The following GRID2 variants were observed in gnomAD, a reference collection of about 807,000 sequenced individuals.
GRID2 encodes the protein glutamate receptor ionotropic, delta-2.
Under a neutral mutation model 114.8 loss-of-function variants are expected in GRID2, and 33 were observed. That is an observed-to-expected ratio of 0.29 (90% confidence interval 0.22 to 0.38). GRID2 has a LOEUF of 0.38. Among genes scored for constraint, GRID2 ranks in the 10% least tolerant of loss-of-function variants. The pLI is 1.00. For synonymous variants in GRID2, 505 were observed against 449.9 expected, an observed-to-expected ratio of 1.12 and a Z score of -1.55; for missense variants, 1,184 against 1,257.7, an observed-to-expected ratio of 0.94 and a Z score of 0.89.
chr4:93,757,111 C>T (rs1158182393), intron 14 of GRID2, among the ~76,000 whole-genome samples: 2 of 152,116 alleles, frequency 1.3e-5, no homozygotes, highest in Non-Finnish European at 2.9e-5. Context: ...TCTTGTCATT[C>T]ACTTATTCAC....
chr4:92,660,842 G>T (rs977904305), intron 2 of GRID2, among the ~76,000 whole-genome samples: 5 of 151,006 alleles, frequency 3.3e-5, no homozygotes, highest in Non-Finnish European at 5.9e-5. Flanking sequence ...TTTCATTGTA[G>T]CATTTGTGCC....
intron 8 of GRID2, among the ~76,000 whole-genome samples, chr4:93,358,022 G>C (rs1249754116): frequency 1.3e-5 from 2 of 151,204 alleles, no homozygotes; most frequent in Non-Finnish European, 3.0e-5. Flanking sequence ...TATTTTAAAG[G>C]AGCTTTATAA....
intron 2 of GRID2, among the ~76,000 whole-genome samples, chr4:92,832,878 A>G (rs189640200): frequency 1.3e-5 from 2 of 152,270 alleles, no homozygotes; most frequent in Admixed American, 1.3e-4. Flanking sequence ...ATAGTAATGA[A>G]CTCACTTTTA....
intron 1 of GRID2, among the ~76,000 whole-genome samples, chr4:92,568,181 T>A (rs1252435249): frequency 1.3e-5 from 2 of 151,804 alleles, no homozygotes; most frequent in African/African-American, 4.8e-5. Flanking sequence ...ACTGCTGAGA[T>A]GGGAATATAC....
At chr4:92,380,744 C>T (rs1018896460) in intron 1 of GRID2, among the ~76,000 whole-genome samples, 1 of 151,868 alleles carries the variant, frequency 6.6e-6, no homozygotes, top group African/African-American at 2.4e-5. Flanking sequence ...TGGCTAACAG[C>T]GTTAGTTCAC....
chr4:93,294,780 G>A (rs1159433473), intron 8 of GRID2, among the ~76,000 whole-genome samples: 2 of 151,926 alleles, frequency 1.3e-5, no homozygotes, highest in Non-Finnish European at 2.9e-5. Flanking sequence ...GGCTGGTCTC[G>A]AACTCCTGAC....
intron 14 of GRID2, among the ~76,000 whole-genome samples, chr4:93,750,419 C>T (rs973341012): frequency 6.6e-6 from 1 of 152,070 alleles, no homozygotes; most frequent in Non-Finnish European, 1.5e-5. Flanking sequence ...CAATGATCAC[C>T]CAGTAGGAAA....
chr4:93,485,532 T>C (rs1041722802), intron 11 of GRID2, among the ~76,000 whole-genome samples: 6 of 151,788 alleles, frequency 4.0e-5, no homozygotes, highest in Admixed American at 2.0e-4. Context: ...ATCTATAGGC[T>C]GCATGGTATT....
chr4:93,084,593 A>G (rs887388823), intron 2 of GRID2, among the ~76,000 whole-genome samples: 7 of 152,198 alleles, frequency 4.6e-5, no homozygotes, highest in Non-Finnish European at 8.8e-5. Context: ...TGCCTTCAGT[A>G]GGGAATTATC....
chr4:92,796,770 C>T (rs1481750921), intron 2 of GRID2, among the ~76,000 whole-genome samples: 1 of 151,832 alleles, frequency 6.6e-6, no homozygotes, highest in African/African-American at 2.4e-5. Context: ...ATAAAATTAT[C>T]AAACCATCCT....
intron 13 of GRID2, among the ~76,000 whole-genome samples, chr4:93,561,104 C>G (rs1312423854): frequency 3.3e-5 from 5 of 151,882 alleles, no homozygotes; most frequent in Non-Finnish European, 7.4e-5. Context: ...TCAAAATAAC[C>G]TGCAACAGGC....
At chr4:93,326,936 C>T (rs1304010492) in intron 8 of GRID2, among the ~76,000 whole-genome samples, 1 of 152,158 alleles carries the variant, frequency 6.6e-6, no homozygotes, top group Non-Finnish European at 1.5e-5. Flanking sequence ...GTTTCTATCA[C>T]ATCTGTTTGC....
chr4:93,276,983 T>C (rs1183492119), intron 8 of GRID2, among the ~76,000 whole-genome samples: 1 of 151,818 alleles, frequency 6.6e-6, no homozygotes, highest in Non-Finnish European at 1.5e-5. Context: ...CAAAGCAAAA[T>C]GGATTTAAGA....
intron 13 of GRID2, among the ~76,000 whole-genome samples, chr4:93,585,659 G>A (rs928716956): frequency 6.6e-6 from 1 of 151,846 alleles, no homozygotes; most frequent in Admixed American, 6.6e-5. Context: ...GTTTGCTCTT[G>A]CCTCAATTTT....
intron 14 of GRID2, among the ~76,000 whole-genome samples, chr4:93,746,934 C>T (rs1248054894): frequency 6.6e-6 from 1 of 151,950 alleles, no homozygotes; most frequent in Non-Finnish European, 1.5e-5. Context: ...AGATTTTTTA[C>T]AGAAGGATTA....
At chr4:93,009,656 G>C (rs1050633198) in intron 2 of GRID2, among the ~76,000 whole-genome samples, 3 of 151,958 alleles carry the variant, frequency 2.0e-5, no homozygotes, top group Non-Finnish European at 4.4e-5. Flanking sequence ...CTGAATTCAG[G>C]AATTTTTTAT....
intron 14 of GRID2, among the ~76,000 whole-genome samples, chr4:93,680,039 A>G (rs1035267319): frequency 6.6e-6 from 1 of 151,288 alleles, no homozygotes; most frequent in Non-Finnish European, 1.5e-5. Context: ...AGCAAGACTA[A>G]TAAAGAAAAA....
At chr4:92,676,170 CT>C (rs1248069337) in intron 2 of GRID2, among the ~76,000 whole-genome samples, 21 of 49,798 alleles carry the variant, frequency 4.2e-4, no homozygotes, top group African/African-American at 1.0e-3. Flanking sequence ...CCCCCCCCCC[CT>C]TTTTTTTTTG....
intron 2 of GRID2, among the ~76,000 whole-genome samples, chr4:92,815,802 T>C (rs1740867181): frequency 6.7e-6 from 1 of 149,342 alleles, no homozygotes; most frequent in Non-Finnish European, 1.5e-5. Flanking sequence ...GTACCTGTAG[T>C]CCCAGCTACT....
Sources: allele counts gnomAD v4.1 joint callset (sites outside exome capture counted in the v4.1 genomes callset), GRCh38; gene constraint gnomAD v4.1.1; transcripts MANE v1.5; gene names NCBI Gene and HGNC (gene_info 2026-07-23, HGNC 2026-07-21).